ERG: variants seen among roughly 807,000 people sequenced by gnomAD.
The protein encoded by ERG is ETS transcription factor ERG, also known as transcriptional regulator ERG.
In ERG, 9 loss-of-function variants were observed where a neutral mutation model predicts 55.3. The ratio of observed to expected loss-of-function variants is 0.16; its 90% confidence interval spans 0.10 to 0.28. The LOEUF (loss-of-function observed/expected upper bound fraction) is 0.28, where lower values mean the gene tolerates loss of function less well. ERG is among the 10% of genes least tolerant of loss of function. The pLI, the probability that ERG is intolerant of heterozygous loss-of-function variation, is 1.00. For missense variants in ERG, 434 were observed against 631.6 expected, an observed-to-expected ratio of 0.69 and a Z score of 3.35; for synonymous variants, 223 against 237.3, an observed-to-expected ratio of 0.94 and a Z score of 0.55.
upstream of ERG, among the ~76,000 whole-genome samples, chr21:38,588,312 A>ACC (rs5843918): frequency 9.2e-5 from 14 of 151,650 alleles, no homozygotes; most frequent in Non-Finnish European, 1.3e-4. Context: ...CTGAAGAGAC[A>ACC]CCCCCCACCA....
intron 6 of ERG, among the ~76,000 whole-genome samples, chr21:38,399,029 C>G (rs1988364685): frequency 1.3e-5 from 2 of 152,214 alleles, no homozygotes; most frequent in African/African-American, 4.8e-5. Context: ...TACAAAATCT[C>G]TAAAGCTTGA....
chr21:38,477,815 G>C (rs1034827329), intron 1 of ERG, among the ~76,000 whole-genome samples: 1 of 152,104 alleles, frequency 6.6e-6, no homozygotes, highest in East Asian at 1.9e-4. Flanking sequence ...AGTCATATGA[G>C]GGAACCAAAC....
rs139834242 is a variant in ERG at position 38,453,366 on chromosome 21, T to G, written c.19-7745A>C. Reference sequence around the variant, plus strand: ...AAAAATGTTAAAGAAAGAATAGTTATGTCCACATAATGAAAATTAGATTTA... The same window carrying G: ...AAAAATGTTAAAGAAAGAATAGTTAGGTCCACATAATGAAAATTAGATTTA... On this transcript the variant is annotated intron_variant, in intron 1 of 9. Transcript: ENST00000288319. Among the ~76,000 whole-genome samples, 222 of 152,364 alleles carry G rather than the reference T, an allele frequency of 1.5e-3. 1 individual carries two copies. The highest frequency in any genetic ancestry group is 5.0e-3 in the African/African-American group (209 of 41,586).
At chr21:38,402,471 G>A (rs199698714) in intron 5 of ERG, 86 bp downstream of exon 5, 4 of 951,096 alleles carry the variant, frequency 4.2e-6, no homozygotes, top group East Asian at 2.5e-5. Context: ...TTCCTGGCAC[G>A]CGCTGACTGG....
intron 1 of ERG, among the ~76,000 whole-genome samples, chr21:38,632,319 A>C (rs1481008304): frequency 2.6e-5 from 4 of 152,194 alleles, no homozygotes; most frequent in African/African-American, 9.7e-5. Flanking sequence ...ACACAAAGAG[A>C]TGTCACCTCA....
chr21:38,636,238 G>C (rs1380590199), intron 1 of ERG, among the ~76,000 whole-genome samples: 2 of 152,216 alleles, frequency 1.3e-5, no homozygotes, highest in Non-Finnish European at 2.9e-5. Context: ...GGAACTGTGA[G>C]TCAATTAAAC....
intron 2 of ERG, among the ~76,000 whole-genome samples, chr21:38,433,834 T>G (rs1332845452): frequency 1.3e-5 from 2 of 152,172 alleles, no homozygotes; most frequent in African/African-American, 2.4e-5. Flanking sequence ...TCAATATGTC[T>G]TCTTCTTTGA....
chr21:38,619,057 C>T (rs2060275087), intron 1 of ERG, among the ~76,000 whole-genome samples: 1 of 152,146 alleles, frequency 6.6e-6, no homozygotes, highest in African/African-American at 2.4e-5. Flanking sequence ...TGTCAGACAC[C>T]TCACATTAAG....
intron 1 of ERG, among the ~76,000 whole-genome samples, chr21:38,480,589 GC>G (rs1439572717): frequency 3.0e-4 from 11 of 36,892 alleles, no homozygotes; most frequent in Non-Finnish European, 5.4e-4. Context: ...GCACTATATG[GC>G]CTTTTTTTTT....
At chr21:38,582,452 G>T (rs1001900919) in intron 1 of ERG, among the ~76,000 whole-genome samples, 16 of 151,418 alleles carry the variant, frequency 1.1e-4, no homozygotes, top group African/African-American at 3.4e-4. Context: ...TTGGTGTTGG[G>T]AAACATGAAT....
intron 1 of ERG, among the ~76,000 whole-genome samples, chr21:38,464,561 T>A (rs1351712282): frequency 1.3e-5 from 2 of 152,248 alleles, no homozygotes; most frequent in Non-Finnish European, 2.9e-5. Flanking sequence ...ATGTTCATTT[T>A]TAGATAATGC....
At chr21:38,658,131 A>G (rs1363013986) in intron 1 of ERG, among the ~76,000 whole-genome samples, 1 of 152,236 alleles carries the variant, frequency 6.6e-6, no homozygotes, top group Non-Finnish European at 1.5e-5. Flanking sequence ...AGGAAAAAAG[A>G]ACTCCTTTGC....
At chr21:38,445,665 C>A in intron 1 of ERG, 44 bp from the exon 2 acceptor site, 1 of 1,530,604 alleles carries the variant, frequency 6.5e-7, no homozygotes. Context: ...CTCCAACAGA[C>A]AGTCATGTTT....
intron 1 of ERG, among the ~76,000 whole-genome samples, chr21:38,620,428 G>A (rs931564156): frequency 2.0e-5 from 3 of 152,154 alleles, no homozygotes; most frequent in Admixed American, 6.5e-5. Context: ...CTGCAGGCCC[G>A]CAGCCAGCTC....
At chr21:38,407,404 T>C (rs1223486698) in intron 3 of ERG, among the ~76,000 whole-genome samples, 8 of 152,086 alleles carry the variant, frequency 5.3e-5, no homozygotes, top group Non-Finnish European at 8.8e-5. Context: ...GATATCATTG[T>C]ATTTTGCAAA....
chr21:38,636,754 C>T (rs1003651037), intron 1 of ERG, among the ~76,000 whole-genome samples: 3 of 152,174 alleles, frequency 2.0e-5, no homozygotes, highest in African/African-American at 7.2e-5. Flanking sequence ...ACCCTGCGGC[C>T]CACAGCCTGA....
chr21:38,439,491 C>T (rs1320983049), intron 2 of ERG, among the ~76,000 whole-genome samples: 1 of 152,178 alleles, frequency 6.6e-6, no homozygotes, highest in African/African-American at 2.4e-5. Context: ...AGTTTGGCCA[C>T]ACACTGACAG....
chr21:38,412,085 A>AT (rs1989084959), intron 3 of ERG, among the ~76,000 whole-genome samples: 1 of 152,066 alleles, frequency 6.6e-6, no homozygotes. Context: ...TTTGTGCAAG[A>AT]TTTTTTTGTA....
chr21:38,394,376 G>A (rs1478180771), intron 6 of ERG, among the ~76,000 whole-genome samples: 1 of 150,360 alleles, frequency 6.7e-6, no homozygotes, highest in Non-Finnish European at 1.5e-5. Flanking sequence ...TTTTGGAGGT[G>A]GAGTCTCGCT....
Sources: allele counts gnomAD v4.1 joint callset (sites outside exome capture counted in the v4.1 genomes callset), GRCh38; gene constraint gnomAD v4.1.1; transcripts MANE v1.5; gene names NCBI Gene and HGNC (gene_info 2026-07-23, HGNC 2026-07-21).